SESTD1: variants seen among roughly 807,000 people sequenced by gnomAD.
The protein encoded by SESTD1 is SEC14 domain and spectrin repeat-containing protein 1.
Under a neutral mutation model 101.7 loss-of-function variants are expected in SESTD1, and 43 were observed. The ratio of observed to expected loss-of-function variants is 0.42; its 90% CI spans 0.33 to 0.55. SESTD1 has a LOEUF of 0.55. Among genes scored for constraint, SESTD1 ranks in the 20% least tolerant of loss-of-function variants. SESTD1 has a pLI of 0.07. For missense variants in SESTD1, 647 were observed against 815.1 expected (o/e 0.79, Z 2.51); for synonymous variants, 283 against 286.8 (o/e 0.99, Z 0.13).
intron 5 of SESTD1, among the ~76,000 whole-genome samples, chr2:179,163,374 T>C (rs945687317): frequency 6.6e-6 from 1 of 152,140 alleles, no homozygotes; most frequent in Admixed American, 6.5e-5. Context: ...CAAATAGCCA[T>C]CTCCATGAAC....
In SESTD1 at chr2:179,163,783, G is replaced by T. The variant is rs1180355754; in HGVS notation, c.369+8337C>A. 3.3e-5 allele frequency among the ~76,000 whole-genome samples: 5 copies of T among 152,166 alleles called. No individual in the cohort carries two copies. In the East Asian group the frequency reaches 9.6e-4, roughly 29 times the overall value. On this transcript the variant is annotated intron_variant, in intron 5 of 17. Coordinates refer to ENST00000428443, the MANE Select transcript of SESTD1 (RefSeq NM_178123.5). ...ATTGTATTAACTAGCACATATCATG[G>T]TTCAACAAGTTTGAAGAGAAAGGTA...
intron 1 of SESTD1, among the ~76,000 whole-genome samples, chr2:179,260,308 G>A (rs1343065493): frequency 6.6e-6 from 1 of 152,162 alleles, no homozygotes; most frequent in Non-Finnish European, 1.5e-5. Flanking sequence ...TTGAGCTCAG[G>A]AGTTTGAGAC....
At position 179,122,962 on chromosome 2, in the gene SESTD1, A is replaced by G. The variant is rs187100545; in HGVS notation, c.1282+753T>C. 1.2e-3 allele frequency among the ~76,000 whole-genome samples: 184 copies of G among 152,288 alleles called. 1 individual carries two copies. Among genetic ancestry groups the G allele is most frequent in the African/African-American group, 4.2e-3 (173 of 41,572 alleles). The stretch of plus-strand genomic sequence containing the variant: ...AGTACAAGTGTGATTTTTCAAACCA[A>G]TTCCCTAAGGCAGTTTTCAATAATT... On this transcript the variant is annotated intron_variant, in intron 12 of 17. Transcript: ENST00000428443.
chr2:179,130,023 CAT>C (rs973472171), intron 10 of SESTD1, among the ~76,000 whole-genome samples: 24 of 152,152 alleles, frequency 1.6e-4, no homozygotes, highest in African/African-American at 5.8e-4. Flanking sequence ...AAATATCACA[CAT>C]GATTTAAGGA....
At chr2:179,246,254 CAAAAAAAAAA>C (rs60185738) in intron 1 of SESTD1, among the ~76,000 whole-genome samples, 1 of 73,704 alleles carries the variant, frequency 1.4e-5, no homozygotes, top group Non-Finnish European at 2.5e-5. Context: ...GACTCCATCT[CAAAAAAAAAA>C]AAAAAAAAAA....
chr2:179,229,749 TTA>T (rs71023472), intron 1 of SESTD1, among the ~76,000 whole-genome samples: 11,724 of 106,208 alleles, frequency 0.11, 1,662 homozygotes, highest in African/African-American at 0.33. Flanking sequence ...TTGTAAGAAC[TTA>T]TATATATATA....
intron 5 of SESTD1, among the ~76,000 whole-genome samples, chr2:179,162,144 A>G (rs2045747914): frequency 6.6e-6 from 1 of 152,192 alleles, no homozygotes; most frequent in Non-Finnish European, 1.5e-5. Flanking sequence ...GAAAGTCACC[A>G]AACTGATTAT....
intron 5 of SESTD1, among the ~76,000 whole-genome samples, chr2:179,166,887 C>A (rs1346983112): frequency 6.6e-6 from 1 of 152,224 alleles, no homozygotes; most frequent in African/African-American, 2.4e-5. Context: ...TAGAACTCAA[C>A]CCTTCTCTTA....
intron 10 of SESTD1, among the ~76,000 whole-genome samples, chr2:179,128,646 T>C (rs1460555522): frequency 2.0e-5 from 3 of 151,514 alleles, no homozygotes; most frequent in Non-Finnish European, 4.4e-5. Flanking sequence ...GGAGAATCGC[T>C]TGAACCTGGG....
At chr2:179,160,409 T>C (rs1428242051) in intron 5 of SESTD1, among the ~76,000 whole-genome samples, 1 of 151,958 alleles carries the variant, frequency 6.6e-6, no homozygotes, top group Non-Finnish European at 1.5e-5. Flanking sequence ...GAGTAAGAAA[T>C]AACACCGTGA....
rs1181029989 is a variant in SESTD1 at position 179,216,669 on chromosome 2, T to C, written c.-25-24803A>G. Among the ~76,000 whole-genome samples the C allele has an allele frequency of 3.0e-5, 4 of 134,784 alleles. 1 individual carries two copies. Among genetic ancestry groups the C allele is most frequent in the Non-Finnish European group, 1.6e-5 (1 of 62,780 alleles). The allele number at this position is 134,784 out of a possible 152,430, so 88.4% of individuals were successfully genotyped here. A position where few individuals can be genotyped will look rare whatever the true frequency, so the allele number is the denominator to read the frequency against. ...ATGCAACCAAAAAAGGAGTCCACAT[T>C]GCCAAGACAATCCTACGCAAAAAGA... On this transcript the variant is annotated intron_variant, in intron 1 of 17. Transcript: ENST00000428443.
chr2:179,134,830 T>C (rs2105431269), intron 9 of SESTD1, among the ~76,000 whole-genome samples: 1 of 152,340 alleles, frequency 6.6e-6, no homozygotes, highest in East Asian at 1.9e-4. Context: ...ACTGTTAATA[T>C]ACTTTATAAA....
chr2:179,225,093 G>T (rs947315401), intron 1 of SESTD1, among the ~76,000 whole-genome samples: 1 of 152,108 alleles, frequency 6.6e-6, no homozygotes, highest in Non-Finnish European at 1.5e-5. Context: ...CTCAACCTGA[G>T]GGATCTGATG....
chr2:179,197,221 G>A (rs1003203747), intron 1 of SESTD1, among the ~76,000 whole-genome samples: 18 of 152,026 alleles, frequency 1.2e-4, no homozygotes, highest in African/African-American at 3.9e-4. Context: ...TATGGAAAAT[G>A]AAATGAATGA....
chr2:179,205,197 C>CTTT lies in SESTD1; in HGVS notation c.-25-13334_-25-13332dup, dbSNP rs562590131. Among the ~76,000 whole-genome samples the CTTT allele has an allele frequency of 2.4e-4, 28 of 114,974 alleles. 8 individuals are homozygous for CTTT. The highest frequency in any genetic ancestry group is 9.9e-4 in the African/African-American group (28 of 28,142). The allele number at this position is 114,974 out of a possible 152,430, so 75.4% of individuals were successfully genotyped here. Reference sequence around the variant, plus strand: ...AGACAGTCTCCAACCACACTTAAGGCTTTTTTTTTTTTTTACTCTGTTGCC... The same window carrying CTTT: ...AGACAGTCTCCAACCACACTTAAGGCTTTTTTTTTTTTTTTTTACTCTGTTGCC... On this transcript the variant is annotated intron_variant, in intron 1 of 17. Transcript: ENST00000428443.
intron 5 of SESTD1, 36 bp downstream of exon 5, chr2:179,172,084 G>T: frequency 7.7e-7 from 1 of 1,305,858 alleles, no homozygotes; most frequent in Non-Finnish European, 1.1e-6. Flanking sequence ...TATTTTTAAA[G>T]ATATAATGGA....
intron 9 of SESTD1, among the ~76,000 whole-genome samples, chr2:179,139,347 G>A (rs1387804129): frequency 6.6e-6 from 1 of 152,104 alleles, no homozygotes; most frequent in Non-Finnish European, 1.5e-5. Flanking sequence ...CCTGATGCCT[G>A]ATTTACATAC....
chr2:179,148,447 A>C (rs2045442458), intron 7 of SESTD1, among the ~76,000 whole-genome samples: 1 of 152,230 alleles, frequency 6.6e-6, no homozygotes, highest in African/African-American at 2.4e-5. Context: ...GAAATCTGTT[A>C]ACATGATAAA....
At chr2:179,123,923 C>CAATT in intron 11 of SESTD1, 94 bp from the exon 12 acceptor site, 1 of 866,624 alleles carries the variant, frequency 1.2e-6, no homozygotes, top group Non-Finnish European at 1.9e-6. Context: ...GAGGTTATCA[C>CAATT]AATTACACTT....
Sources: allele counts gnomAD v4.1 joint callset (sites outside exome capture counted in the v4.1 genomes callset), GRCh38; gene constraint gnomAD v4.1.1; transcripts MANE v1.5; gene names NCBI Gene and HGNC (gene_info 2026-07-23, HGNC 2026-07-21).